LONRF1: variants seen among roughly 807,000 people sequenced by gnomAD.
LONRF1 encodes LON peptidase N-terminal domain and RING finger protein 1.
A neutral mutation model predicts 85.8 loss-of-function variants in LONRF1; 37 were observed. The ratio of observed to expected loss-of-function variants is 0.43; its 90% CI spans 0.33 to 0.57. LONRF1 has a LOEUF of 0.57. Ranked by LOEUF, LONRF1 falls within the 20% of genes least tolerant of loss-of-function variation. LONRF1 has a pLI of 0.04. For missense variants in LONRF1, 1,036 were observed against 978.0 expected (o/e 1.06, Z -0.79); for synonymous variants, 517 against 390.1 (o/e 1.33, Z -3.83).
chr8:12,755,159 C>G lies in LONRF1; in HGVS notation c.262G>C (p.Ala88Pro). ...GAPARPECLG[A>P]LVDCLVFNYR... is the part of the protein sequence containing the mutation. ...TTGAACACCAGGCAGTCCACCAGGG[C>G]GCCCAGGCACTCGGGCCTGGCCGGG... is the stretch of plus-strand genomic sequence containing the variant. Residue 88 changes from alanine to proline, a missense_variant, in exon 1 of 12, where the codon GCC becomes CCC. Physicochemically the swap from Ala to Pro is conservative, Grantham distance 27. Transcript: ENST00000398246. The G allele has an allele frequency of 7.1e-7, 1 of 1,418,260 alleles. No individual in the cohort carries two copies. The highest frequency in any genetic ancestry group is 9.2e-7 in the Non-Finnish European group (1 of 1,088,016). 87.9% of individuals were successfully genotyped at this position (1,418,260 alleles called of 1,614,324 possible).
At chr8:12,752,745 G>A (rs1414137704) in intron 1 of LONRF1, among the ~76,000 whole-genome samples, 1 of 152,166 alleles carries the variant, frequency 6.6e-6, no homozygotes, top group African/African-American at 2.4e-5. Context: ...ATTATCAAAA[G>A]TGCTCACTGT....
Position 12,751,301 on chromosome 8 carries a change from T to TTTTTTGTTTG in LONRF1, c.721+3398_721+3399insCAAACAAAAA, listed in dbSNP as rs1460930981. Among the ~76,000 whole-genome samples, 77 of 89,280 alleles carry TTTTTTGTTTG rather than the reference T, an allele frequency of 8.6e-4. 5 individuals carry two copies. Among genetic ancestry groups the TTTTTTGTTTG allele is most frequent in the East Asian group, 6.7e-3 (18 of 2,688 alleles). The allele number at this position is 89,280 out of a possible 152,430, so 58.6% of individuals were successfully genotyped here. A position where few individuals can be genotyped will look rare whatever the true frequency, so the allele number is the denominator to read the frequency against. On this transcript the variant is annotated intron_variant, in intron 1 of 11. Transcript: ENST00000398246. ...GATTATATTTTTATTTTTATGTTTTTTTTTTTTTTTTTTTTTTTTGAGACT... is the reference window on the plus strand; with the variant it reads ...GATTATATTTTTATTTTTATGTTTTTTTTTTGTTTGTTTTTTTTTTTTTTTTTTTGAGACT...
At chr8:12,743,387 T>A in intron 1 of LONRF1, 105 bp from the exon 2 acceptor site, 1 of 747,706 alleles carries the variant, frequency 1.3e-6, no homozygotes, top group Non-Finnish European at 2.2e-6. Flanking sequence ...GATTCCAGGG[T>A]TAATAATCAC....
intron 1 of LONRF1, among the ~76,000 whole-genome samples, chr8:12,749,230 G>T (rs1407790609): frequency 6.6e-6 from 1 of 152,092 alleles, no homozygotes; most frequent in Non-Finnish European, 1.5e-5. Flanking sequence ...TTTCTACCTT[G>T]TCTTTTACCC....
intron 8 of LONRF1, among the ~76,000 whole-genome samples, chr8:12,731,194 G>C (rs1316815973): frequency 2.0e-5 from 3 of 152,104 alleles, no homozygotes; most frequent in African/African-American, 7.2e-5. Flanking sequence ...GAATCCCAAA[G>C]TTGCCTCCGA....
At chr8:12,734,377 G>A (rs1798640727) in intron 7 of LONRF1, among the ~76,000 whole-genome samples, 1 of 152,106 alleles carries the variant, frequency 6.6e-6, no homozygotes, top group South Asian at 2.1e-4. Context: ...ATTCATAATG[G>A]TTTTATGAAT....
intron 11 of LONRF1, among the ~76,000 whole-genome samples, chr8:12,724,603 C>A (rs781037057): frequency 8.3e-4 from 127 of 152,188 alleles, no homozygotes; most frequent in Non-Finnish European, 7.9e-4. Flanking sequence ...ACTCACACAA[C>A]ACTGCTAACA....
rs578080642 is a variant in LONRF1 at position 12,722,123 on chromosome 8, A to G, written c.*973T>C. The stretch of plus-strand genomic sequence containing the variant: ...AGGCATAACTAACATTTGCACCGAG[A>G]CCAGAATTAAAAACAAAAACAAACT... On this transcript the variant is annotated 3_prime_UTR_variant, in exon 12 of 12. Transcript: ENST00000398246. 3 of 152,736 alleles carry G rather than the reference A, an allele frequency of 2.0e-5. No individual in the cohort carries two copies. Among genetic ancestry groups the G allele is most frequent in the African/African-American group, 7.2e-5 (3 of 41,556 alleles). The allele number at this position is 152,736 out of a possible 1,614,324, so 9.5% of individuals were successfully genotyped here.
At position 12,738,074 on chromosome 8, in the gene LONRF1, G is replaced by T; in HGVS notation, c.1034C>A (p.Pro345Gln). Residue 345 changes from proline to glutamine, a missense_variant, in exon 4 of 12, where the codon CCA (proline) becomes CAA (glutamine). Coordinates refer to ENST00000398246, the MANE Select transcript of LONRF1 (RefSeq NM_152271.5). Reference sequence around the variant, plus strand: ...ATCAAAAGGTCTGTTTTTAGTACATGGTAATGAACTCCAGGAAGATTCCTT... The same window carrying T: ...ATCAAAAGGTCTGTTTTTAGTACATTGTAATGAACTCCAGGAAGATTCCTT... Reference protein sequence around the residue: ...GLKESSWSSLPCTKNRPFDFH... With the variant: ...GLKESSWSSLQCTKNRPFDFH... The T allele has an allele frequency of 6.2e-7, 1 of 1,608,138 alleles. No homozygotes were observed. The highest frequency in any genetic ancestry group is 1.1e-5 in the South Asian group (1 of 89,772).
intron 8 of LONRF1, among the ~76,000 whole-genome samples, chr8:12,729,975 C>T (rs955034194): frequency 2.6e-5 from 4 of 152,244 alleles, no homozygotes; most frequent in African/African-American, 9.6e-5. Flanking sequence ...AGCACAGGCA[C>T]GCTAAAGAAC....
In LONRF1 at chr8:12,755,244, C is replaced by T. The variant is rs1373559118; in HGVS notation, c.177G>A (p.Ala59=). ...ELLLRRGELL[A]LGGHLKGALE... The stretch of plus-strand genomic sequence containing the variant: ...GCGCGCCCTTCAGGTGGCCGCCCAG[C>T]GCCAGCAGCTCCCCGCGGCGGAGCA... Residue 59 remains alanine, a synonymous_variant, in exon 1 of 12, where the codon GCG becomes GCA. Transcript: ENST00000398246. 1 of 1,236,880 alleles carries T rather than the reference C, an allele frequency of 8.1e-7. No individual in the cohort carries two copies. The highest frequency in any genetic ancestry group is 3.4e-5 in the South Asian group (1 of 29,800). 76.6% of individuals were successfully genotyped at this position (1,236,880 alleles called of 1,614,324 possible).
rs762761442 is a variant in LONRF1, at chr8:12,743,259, T to C, written c.745A>G (p.Ile249Val). 1 of 1,608,488 alleles carries C rather than the reference T, an allele frequency of 6.2e-7. No individual in the cohort carries two copies. Among genetic ancestry groups the C allele is most frequent in the South Asian group, 1.1e-5 (1 of 90,396 alleles). The change falls in exon 2 of 12, where the codon ATT (isoleucine) becomes GTT (valine). Residue 249 changes from isoleucine to valine, a missense_variant. Around this residue, in one of 3 missense-constraint regions of LONRF1, gnomAD observed 742 missense variants for 614.4 expected, o/e 1.21. Coordinates refer to ENST00000398246, the MANE Select transcript of LONRF1 (RefSeq NM_152271.5). ...CCAGCATATGATTCCGCTCTGTAAATTTTTACAATCAAGTCACTGGGTTCT... is the reference window on the plus strand; with the variant it reads ...CCAGCATATGATTCCGCTCTGTAAACTTTTACAATCAAGTCACTGGGTTCT... Reference protein sequence around the residue: ...RAEPSDLIVKIYRAESYAGLQ... With the variant: ...RAEPSDLIVKVYRAESYAGLQ...
intron 7 of LONRF1, 104 bp from the exon 8 acceptor site, chr8:12,731,961 C>G (rs1798544806): frequency 9.3e-7 from 1 of 1,075,648 alleles, no homozygotes; most frequent in East Asian, 2.5e-5. Context: ...ATACTTATAC[C>G]ATCAATTCTG....
intron 10 of LONRF1, 59 bp downstream of exon 10, chr8:12,728,842 G>C: frequency 6.3e-7 from 1 of 1,594,926 alleles, no homozygotes; most frequent in Admixed American, 1.7e-5. Context: ...CTGCATGCCT[G>C]TACCAATCCC....
chr8:12,727,530 T>C (rs1798364758), intron 10 of LONRF1, among the ~76,000 whole-genome samples: 2 of 152,084 alleles, frequency 1.3e-5, no homozygotes, highest in South Asian at 4.1e-4. Flanking sequence ...GACTCGTTTA[T>C]AAATATCATA....
Position 12,754,918 on chromosome 8 carries a change from C to A in LONRF1, c.503G>T (p.Ser168Ile). The change falls in exon 1 of 12, where the codon AGT (serine) becomes ATT (isoleucine). Residue 168 changes from serine (S) to isoleucine (I), a missense_variant. Coordinates refer to ENST00000398246, the MANE Select transcript of LONRF1 (RefSeq NM_152271.5). ...CRDRLPPATASATDAEGTAPR... is the reference protein window; with the variant it reads ...CRDRLPPATAIATDAEGTAPR... ...GGCGGTCCCTTCAGCATCAGTGGCA[C>A]TGGCGGTGGCGGGCGGCAGCCGGTC... The A allele has an allele frequency of 1.3e-6, 2 of 1,492,218 alleles. No individual in the cohort carries two copies. Among genetic ancestry groups the A allele is most frequent in the Non-Finnish European group, 8.9e-7 (1 of 1,125,148 alleles). 92.4% of individuals were successfully genotyped at this position (1,492,218 alleles called of 1,614,324 possible). A position where few individuals can be genotyped will look rare whatever the true frequency, so the allele number is the denominator to read the frequency against.
chr8:12,727,000 A>C (rs1270958732), intron 10 of LONRF1, among the ~76,000 whole-genome samples: 1 of 152,080 alleles, frequency 6.6e-6, no homozygotes, highest in Non-Finnish European at 1.5e-5. Flanking sequence ...ATAAACTTTT[A>C]AAAAAGGTAG....
chr8:12,726,739 C>A (rs1798322753), intron 10 of LONRF1, among the ~76,000 whole-genome samples: 1 of 152,158 alleles, frequency 6.6e-6, no homozygotes, highest in Non-Finnish European at 1.5e-5. Context: ...CTGACTCAGC[C>A]TTTCATACTT....
In LONRF1 at chr8:12,728,980, C is replaced by T. The variant is rs1053236928; in HGVS notation, c.1931G>A (p.Gly644Glu). Residue 644 changes from glycine to glutamate, a missense_variant, in exon 10 of 12, where the codon GGA (glycine) becomes GAA (glutamate). This residue lies in a region of LONRF1 where 265 missense variants were observed against 301.5 expected (regional missense o/e 0.88). Coordinates refer to ENST00000398246, the MANE Select transcript of LONRF1 (RefSeq NM_152271.5). ...DGRSVVDTVG[G>E]KRFRVLKRGM... is the part of the protein sequence containing the mutation. ...TCTTTTTAAAACCCTAAACCGCTTT[C>T]CTCCAACTGTATCAACCACAGACCT... 9.9e-6 allele frequency: 16 copies of T among 1,613,898 alleles called. No homozygotes were observed. Among genetic ancestry groups the T allele is most frequent in the Non-Finnish European group, 1.4e-5 (16 of 1,179,920 alleles).
Sources: allele counts gnomAD v4.1 joint callset (sites outside exome capture counted in the v4.1 genomes callset), GRCh38; gene constraint gnomAD v4.1.1; regional missense constraint gnomAD v4.1.1; transcripts MANE v1.5; gene names NCBI Gene and HGNC (gene_info 2026-07-23, HGNC 2026-07-21).